The following DRC2 variants were observed in gnomAD, a reference collection of about 807,000 sequenced individuals.
DRC2 encodes the protein coiled-coil domain containing 65.
the DRC2 span, chr12:48,921,074 C>T: frequency 6.2e-7 from 1 of 1,611,438 alleles, no homozygotes; most frequent in Non-Finnish European, 8.5e-7. Context: ...TACTGAGGAG[C>T]TCACCAAGGT....
chr12:48,919,044 T>C, the DRC2 span: 2 of 607,868 alleles, frequency 3.3e-6, no homozygotes, highest in Non-Finnish European at 5.9e-6. Flanking sequence ...TTATTCCATG[T>C]TTCCTCCCCT....
At chr12:48,911,062 G>A in the DRC2 span, among the ~76,000 whole-genome samples, 1 of 152,076 alleles carries the variant, frequency 6.6e-6, no homozygotes, top group Non-Finnish European at 1.5e-5. Context: ...TTTTACAACC[G>A]CATAGTATTC....
At chr12:48,920,934 A>G in the DRC2 span, 1 of 1,610,144 alleles carries the variant, frequency 6.2e-7, no homozygotes. Context: ...AAATAGGGTG[A>G]AAAGATCCTT....
the DRC2 span, among the ~76,000 whole-genome samples, chr12:48,911,604 C>T: frequency 6.0e-5 from 8 of 133,272 alleles, no homozygotes; most frequent in Admixed American, 1.7e-4. Context: ...TGTAGTGATC[C>T]GGTAAGAAAA....
At chr12:48,919,521 T>A in the DRC2 span, among the ~76,000 whole-genome samples, 2 of 146,094 alleles carry the variant, frequency 1.4e-5, no homozygotes, top group Non-Finnish European at 3.0e-5. Context: ...TAATTAATTA[T>A]TTTTTTTTTT....
At chr12:48,909,835 C>T in the DRC2 span, among the ~76,000 whole-genome samples, 4 of 147,278 alleles carry the variant, frequency 2.7e-5, no homozygotes, top group Non-Finnish European at 5.9e-5. Context: ...GGGTGGAGTG[C>T]GGTGGTGCAA....
chr12:48,914,331 C>A, the DRC2 span: 1 of 1,439,624 alleles, frequency 6.9e-7, no homozygotes, highest in Non-Finnish European at 9.3e-7. Context: ...AAAAAACTGC[C>A]AGCTGAATAT....
the DRC2 span, chr12:48,905,051 G>C: frequency 6.2e-7 from 1 of 1,613,900 alleles, no homozygotes; most frequent in Non-Finnish European, 8.5e-7. Context: ...ACTTCATAAG[G>C]ACATTGAGAT....
the DRC2 span, among the ~76,000 whole-genome samples, chr12:48,908,227 A>G: frequency 6.6e-6 from 1 of 151,992 alleles, no homozygotes; most frequent in Admixed American, 6.6e-5. Context: ...AAATTTTTAA[A>G]TTTTTTATAG....
chr12:48,917,007 T>C, the DRC2 span: 17 of 1,613,994 alleles, frequency 1.1e-5, no homozygotes, highest in Non-Finnish European at 9.3e-6. Context: ...AGAGATTCAC[T>C]ATCTGCAAGA....
chr12:48,920,441 T>TTTTTA, the DRC2 span, among the ~76,000 whole-genome samples: 3 of 67,816 alleles, frequency 4.4e-5, no homozygotes, highest in African/African-American at 6.4e-5. Flanking sequence ...AACTCCATCT[T>TTTTTA]AAAAAAAAAA....
the DRC2 span, chr12:48,921,183 A>G: frequency 6.2e-7 from 1 of 1,614,182 alleles, no homozygotes; most frequent in Non-Finnish European, 8.5e-7. Flanking sequence ...GGTGGACTAC[A>G]TAGGAATGGA....
At chr12:48,910,717 A>C in the DRC2 span, among the ~76,000 whole-genome samples, 4 of 152,134 alleles carry the variant, frequency 2.6e-5, no homozygotes, top group African/African-American at 9.7e-5. Context: ...ATCTTATTAT[A>C]TACTATTCTG....
the DRC2 span, chr12:48,914,331 C>T: frequency 6.9e-7 from 1 of 1,439,624 alleles, no homozygotes; most frequent in South Asian, 1.4e-5. Flanking sequence ...AAAAAACTGC[C>T]AGCTGAATAT....
the DRC2 span, among the ~76,000 whole-genome samples, chr12:48,910,231 A>G: frequency 6.6e-6 from 1 of 152,100 alleles, no homozygotes; most frequent in Admixed American, 6.6e-5. Context: ...TTTCCATGTT[A>G]TGTTGTGATT....
chr12:48,905,169 T>G, the DRC2 span: 1 of 1,429,382 alleles, frequency 7.0e-7, no homozygotes, highest in Non-Finnish European at 9.4e-7. Flanking sequence ...CTTAATAGAA[T>G]GAGCCTAGTG....
At chr12:48,904,654 G>T in the DRC2 span, among the ~76,000 whole-genome samples, 5,767 of 152,260 alleles carry the variant, frequency 0.038, 317 homozygotes, top group African/African-American at 0.12. Context: ...CGGAGGGGGT[G>T]CGTGGTATAC....
the DRC2 span, among the ~76,000 whole-genome samples, chr12:48,916,315 G>C: frequency 6.6e-6 from 1 of 152,248 alleles, no homozygotes; most frequent in Non-Finnish European, 1.5e-5. Flanking sequence ...GCGCCATTGA[G>C]CACTGAGTGA....
At chr12:48,921,248 T>G in the DRC2 span, 15 of 1,614,030 alleles carry the variant, frequency 9.3e-6, no homozygotes, top group African/African-American at 1.3e-5. Flanking sequence ...GCCTCCAACA[T>G]AGACGAGCCC....
Sources: allele counts gnomAD v4.1 joint callset (sites outside exome capture counted in the v4.1 genomes callset), GRCh38; gene constraint gnomAD v4.1.1; transcripts MANE v1.5; gene names NCBI Gene and HGNC (gene_info 2026-07-23, HGNC 2026-07-21).